The following FILIP1 variants were observed in gnomAD, a reference collection of about 807,000 sequenced individuals.
The protein encoded by FILIP1 is filamin A interacting protein 1.
A neutral mutation model predicts 102.1 loss-of-function variants in FILIP1; 61 were observed. The ratio of observed to expected loss-of-function variants is 0.60; its 90% CI spans 0.49 to 0.74. FILIP1 has a LOEUF of 0.74. Ranked by LOEUF, FILIP1 falls within the 30% of genes least tolerant of loss-of-function variation. The pLI is 0.00. For synonymous variants in FILIP1, 491 were observed against 526.9 expected (o/e 0.93, Z 0.93); for missense variants, 1,314 against 1,441.2 (o/e 0.91, Z 1.43).
chr6:75,467,504 G>C (rs1156504366), intron 1 of FILIP1, among the ~76,000 whole-genome samples: 1 of 152,196 alleles, frequency 6.6e-6, no homozygotes, highest in Non-Finnish European at 1.5e-5. Context: ...CCTTCATACA[G>C]TGAGCAGCAT....
At chr6:75,311,527 T>TG (rs1272868319) in intron 5 of FILIP1, among the ~76,000 whole-genome samples, 1 of 142,720 alleles carries the variant, frequency 7.0e-6, no homozygotes, top group African/African-American at 2.6e-5. Flanking sequence ...GATGGAGTCT[T>TG]GCTCTGTCAC....
intron 2 of FILIP1, 112 bp from the exon 3 acceptor site, chr6:75,363,029 G>T: frequency 9.5e-7 from 1 of 1,053,560 alleles, no homozygotes; most frequent in Non-Finnish European, 1.4e-6. Context: ...CAGGGCTATT[G>T]GCAAATTCAC....
exon 7 of FILIP1, chr6:75,291,991 A>G (rs1015257673): frequency 1.3e-5 from 2 of 152,242 alleles, no homozygotes; most frequent in Non-Finnish European, 2.9e-5. Flanking sequence ...TGGAAGTAAC[A>G]GAGAATGTTT....
intron 2 of FILIP1, among the ~76,000 whole-genome samples, chr6:75,397,537 G>GAC (rs59797690): frequency 0.017 from 2,306 of 139,024 alleles, 31 homozygotes; most frequent in East Asian, 0.023. Context: ...ACACATATAA[G>GAC]ACACACACAC....
In FILIP1 at chr6:75,477,144, G is replaced by A. The variant is rs536638165; in HGVS notation, c.-7+16270C>T. 2.5e-4 allele frequency among the ~76,000 whole-genome samples: 38 copies of A among 152,240 alleles called. 1 individual carries two copies. In the East Asian group the frequency reaches 7.3e-3, roughly 29 times the overall value. ...TTCATGTATATTAATGTTGAAAGAT[G>A]CTCTAAGACTGACTGAAGCAGAAGA... is the stretch of plus-strand genomic sequence containing the variant. On this transcript the variant is annotated intron_variant, in intron 1 of 5. Coordinates refer to ENST00000237172, the MANE Select transcript of FILIP1 (RefSeq NM_015687.5).
downstream of FILIP1, among the ~76,000 whole-genome samples, chr6:75,306,380 C>T (rs1039096135): frequency 5.9e-5 from 9 of 152,184 alleles, no homozygotes; most frequent in East Asian, 1.9e-4. Flanking sequence ...CAGCAGCAAG[C>T]GGCAATAAGA....
intron 1 of FILIP1, chr6:75,459,015 C>T (rs1314929715): frequency 2.6e-5 from 4 of 152,146 alleles, no homozygotes; most frequent in Non-Finnish European, 4.4e-5. Flanking sequence ...TGAAATAACA[C>T]GAAGTGGTGT....
chr6:75,395,162 T>A (rs989726744), intron 2 of FILIP1, among the ~76,000 whole-genome samples: 1 of 152,196 alleles, frequency 6.6e-6, no homozygotes, highest in African/African-American at 2.4e-5. Context: ...TATGCTCTCA[T>A]TTGTGTAAAA....
intron 1 of FILIP1, among the ~76,000 whole-genome samples, chr6:75,461,960 A>G (rs923310705): frequency 2.6e-5 from 4 of 152,318 alleles, no homozygotes; most frequent in Non-Finnish European, 5.9e-5. Flanking sequence ...AAAGTGAGGC[A>G]TGAAAAGCAA....
At chr6:75,471,590 C>T (rs985231662) in intron 1 of FILIP1, among the ~76,000 whole-genome samples, 15 of 152,144 alleles carry the variant, frequency 9.9e-5, no homozygotes, top group African/African-American at 3.6e-4. Context: ...AGTCAACTAA[C>T]TGTTGGAGTA....
intron 1 of FILIP1, among the ~76,000 whole-genome samples, chr6:75,489,710 C>T (rs1174773309): frequency 6.6e-6 from 1 of 152,016 alleles, no homozygotes; most frequent in African/African-American, 2.4e-5. Context: ...ATGCTACTAA[C>T]CTTTTCTGAC....
At chr6:75,379,790 TAAA>T (rs1775850833) in intron 2 of FILIP1, among the ~76,000 whole-genome samples, 1 of 152,248 alleles carries the variant, frequency 6.6e-6, no homozygotes, top group Non-Finnish European at 1.5e-5. Flanking sequence ...GGTCTTTATT[TAAA>T]TGTTAGCTTT....
chr6:75,319,291 C>G (rs991422571), intron 4 of FILIP1: 3 of 666,542 alleles, frequency 4.5e-6, no homozygotes, highest in Non-Finnish European at 8.6e-6. Flanking sequence ...TTTCTTCCAG[C>G]ATCACCAATG....
intron 2 of FILIP1, among the ~76,000 whole-genome samples, chr6:75,377,628 T>C (rs1775789164): frequency 6.6e-6 from 1 of 152,210 alleles, no homozygotes; most frequent in African/African-American, 2.4e-5. Flanking sequence ...AGGAGCCTCT[T>C]GTTCTCTTTT....
At chr6:75,429,071 G>GT (rs1202079515) in intron 1 of FILIP1, among the ~76,000 whole-genome samples, 3 of 149,582 alleles carry the variant, frequency 2.0e-5, no homozygotes, top group Non-Finnish European at 4.4e-5. Context: ...TTTGCACTAT[G>GT]TTTTTTTGTT....
At chr6:75,310,946 A>G (rs758495580) in intron 5 of FILIP1, among the ~76,000 whole-genome samples, 12 of 152,200 alleles carry the variant, frequency 7.9e-5, no homozygotes, top group Non-Finnish European at 1.6e-4. Context: ...CATATTAAGA[A>G]TATAGGAAAA....
At chr6:75,459,293 C>T (rs532548060) in intron 1 of FILIP1, among the ~76,000 whole-genome samples, 103 of 152,206 alleles carry the variant, frequency 6.8e-4, no homozygotes, top group Middle Eastern at 3.4e-3. Context: ...TTTTTTAAAA[C>T]GCAGTATTAA....
At chr6:75,421,231 G>A (rs1379965214) in intron 1 of FILIP1, among the ~76,000 whole-genome samples, 3 of 152,192 alleles carry the variant, frequency 2.0e-5, no homozygotes, top group African/African-American at 7.2e-5. Flanking sequence ...GACAGCAGAT[G>A]AGGATGAGAG....
intron 4 of FILIP1, among the ~76,000 whole-genome samples, chr6:75,333,645 GC>G (rs2149581197): frequency 6.6e-6 from 1 of 152,140 alleles, no homozygotes; most frequent in East Asian, 1.9e-4. Context: ...CATACCATCT[GC>G]CCCCATTTCA....
Sources: gnomAD v4.1 joint callset for allele counts (sites outside exome capture counted in the v4.1 genomes callset) on GRCh38, gnomAD v4.1.1 for gene constraint, MANE v1.5 for transcripts, NCBI Gene and HGNC (gene_info 2026-07-23, HGNC 2026-07-21) for gene names.